HACE1: variants seen among roughly 807,000 people sequenced by gnomAD.
HACE1 encodes the protein HECT domain and ankyrin repeat containing E3 ubiquitin protein ligase 1, also known as E3 ubiquitin-protein ligase HACE1.
Under a neutral mutation model 118.4 loss-of-function variants are expected in HACE1, and 73 were observed. The ratio of observed to expected loss-of-function variants is 0.62; its 90% CI spans 0.51 to 0.75. The LOEUF (loss-of-function observed/expected upper bound fraction) is 0.75, where lower values mean the gene tolerates loss of function less well. HACE1 is among the 30% of genes least tolerant of loss of function. The pLI, the probability that HACE1 is intolerant of heterozygous loss-of-function variation, is 0.00. For synonymous variants in HACE1, 368 were observed against 374.8 expected (o/e 0.98, Z 0.21); for missense variants, 749 against 1,102.2 (o/e 0.68, Z 4.54).
intron 20 of HACE1, among the ~76,000 whole-genome samples, chr6:104,748,241 G>A (rs1777649724): frequency 8.6e-6 from 1 of 115,844 alleles, no homozygotes; most frequent in Admixed American, 7.9e-5. Flanking sequence ...CTACAAATCA[G>A]TAAAAAGAAA....
intron 12 of HACE1, 103 bp downstream of exon 12, chr6:104,784,882 T>A: frequency 1.2e-6 from 1 of 800,304 alleles, no homozygotes; most frequent in Non-Finnish European, 2.1e-6. Flanking sequence ...GAGAAAACTT[T>A]AAATCAACAA....
At chr6:104,740,191 A>G (rs1776479415) in intron 22 of HACE1, among the ~76,000 whole-genome samples, 1 of 145,728 alleles carries the variant, frequency 6.9e-6, no homozygotes. Context: ...AATTTATAGC[A>G]CTAAATGCCC....
chr6:104,761,300 A>C (rs1779328528), intron 19 of HACE1, among the ~76,000 whole-genome samples: 2 of 152,170 alleles, frequency 1.3e-5, no homozygotes, highest in African/African-American at 4.8e-5. Context: ...TTCAAACTAT[A>C]CTACAAGGCT....
chr6:104,852,558 C>T (rs1043179653), intron 1 of HACE1, among the ~76,000 whole-genome samples, 187 bp from the exon 2 acceptor site: 1 of 152,154 alleles, frequency 6.6e-6, no homozygotes, highest in African/African-American at 2.4e-5. Flanking sequence ...TCATCCCCTC[C>T]ACTGCTTATC....
chr6:104,857,304 C>G (rs766563587), intron 1 of HACE1, among the ~76,000 whole-genome samples: 2 of 151,002 alleles, frequency 1.3e-5, no homozygotes, highest in Non-Finnish European at 2.9e-5. Context: ...AAATTAAATT[C>G]AAGGAACAAA....
chr6:104,777,365 C>G, intron 14 of HACE1, 48 bp from the exon 15 acceptor site: 1 of 1,132,890 alleles, frequency 8.8e-7, no homozygotes, highest in Non-Finnish European at 1.4e-6. Flanking sequence ...TATCAGTCAT[C>G]TAATTATCAG....
intron 3 of HACE1, among the ~76,000 whole-genome samples, 176 bp downstream of exon 3, chr6:104,850,731 C>A (rs534075110): frequency 6.6e-6 from 1 of 152,188 alleles, no homozygotes; most frequent in African/African-American, 2.4e-5. Flanking sequence ...ACATACAATC[C>A]CAAAGTTAAC....
intron 4 of HACE1, among the ~76,000 whole-genome samples, chr6:104,847,543 G>GCC (rs1362232881): frequency 6.6e-6 from 1 of 152,192 alleles, no homozygotes; most frequent in Non-Finnish European, 1.5e-5. Flanking sequence ...GAGCAGATCA[G>GCC]CAAGAGTCAA....
Position 104,791,494 on chromosome 6 carries a change from CT to C in HACE1, c.1074+9del, listed in dbSNP as rs764896081. On this transcript the variant is annotated intron_variant, in intron 11 of 23. Coordinates refer to ENST00000262903, the MANE Select transcript of HACE1 (RefSeq NM_020771.4). ...TCTATCTTCCTAACAATGCCATATA[CT>C]TTTCTCACCTTGAACACCTGGCTTC... The C allele has an allele frequency of 1.2e-6, 2 of 1,607,140 alleles. No homozygotes were observed. Among genetic ancestry groups the C allele is most frequent in the East Asian group, 4.5e-5 (2 of 44,776 alleles).
chr6:104,856,846 T>C (rs1309510693), intron 1 of HACE1, among the ~76,000 whole-genome samples: 1 of 152,198 alleles, frequency 6.6e-6, no homozygotes, highest in Admixed American at 6.5e-5. Flanking sequence ...AGGACTCAAC[T>C]ACCTGCACTC....
Position 104,791,638 on chromosome 6 carries a change from C to T in HACE1, c.940G>A (p.Asp314Asn). 1 of 1,608,580 alleles carries T rather than the reference C, an allele frequency of 6.2e-7. No homozygotes were observed. Reference protein sequence around the residue: ...HKLLSLSSNYDAQMKSLLRIV... With the variant: ...HKLLSLSSNYNAQMKSLLRIV... ...CTTAAAAGGCTCTTCATTTGAGCAT[C>T]ATAATTGCTAGAGAGGCTGAAAATA... Residue 314 changes from aspartate (D) to asparagine (N), a missense_variant, in exon 11 of 24, where the codon GAT becomes AAT. This residue lies in a region of HACE1 where 267 missense variants were observed against 312.2 expected (regional missense o/e 0.86). Transcript: ENST00000262903.
At chr6:104,835,255 T>C (rs1299854365) in intron 5 of HACE1, among the ~76,000 whole-genome samples, 1 of 152,174 alleles carries the variant, frequency 6.6e-6, no homozygotes, top group Non-Finnish European at 1.5e-5. Flanking sequence ...GCTTTTTCCA[T>C]TTCCACCAAA....
At chr6:104,762,756 C>T (rs1485703447) in intron 19 of HACE1, among the ~76,000 whole-genome samples, 3 of 151,734 alleles carry the variant, frequency 2.0e-5, no homozygotes, top group Non-Finnish European at 4.4e-5. Context: ...TTTGGGAGGC[C>T]GAGGCAGGCA....
chr6:104,730,308 G>T lies in HACE1; in HGVS notation c.2622C>A (p.Ser874Arg). Residue 874 changes from serine to arginine, a missense_variant, in exon 23 of 24, where the codon AGC (serine) becomes AGA (arginine). Around this residue, in one of 5 missense-constraint regions of HACE1, gnomAD observed 165 missense variants for 229.9 expected, o/e 0.72. Coordinates refer to ENST00000262903, the MANE Select transcript of HACE1 (RefSeq NM_020771.4). Reference sequence around the variant, plus strand: ...AATAAACCAAGTCAACATACCATGTGCTTGAAGTTGGTAAAAGATTTGGAG... The same window carrying T: ...AATAAACCAAGTCAACATACCATGTTCTTGAAGTTGGTAAAAGATTTGGAG... ...PYTPNLLPTS[S>R]TCINMLKLPE... 7.0e-7 allele frequency: 1 copy of T among 1,424,072 alleles called. No individual in the cohort carries two copies. The highest frequency in any genetic ancestry group is 9.9e-7 in the Non-Finnish European group (1 of 1,006,244). 88.2% of individuals were successfully genotyped at this position (1,424,072 alleles called of 1,614,324 possible).
At chr6:104,798,072 A>C (rs1184199509) in intron 7 of HACE1, among the ~76,000 whole-genome samples, 2 of 149,952 alleles carry the variant, frequency 1.3e-5, no homozygotes, top group Non-Finnish European at 3.0e-5. Flanking sequence ...CCGTCTCGAA[A>C]AAAAAAAAAA....
chr6:104,853,625 T>C (rs921442505), intron 1 of HACE1, among the ~76,000 whole-genome samples: 2 of 152,124 alleles, frequency 1.3e-5, no homozygotes, highest in Non-Finnish European at 2.9e-5. Flanking sequence ...CAAGTACCTC[T>C]CAAAAATACT....
intron 15 of HACE1, 44 bp from the exon 16 acceptor site, chr6:104,777,154 A>C: frequency 6.4e-7 from 1 of 1,561,606 alleles, no homozygotes; most frequent in Non-Finnish European, 8.8e-7. Context: ...AAAATTTATA[A>C]TAAAAAGCAC....
chr6:104,794,107 C>G (rs766635358), intron 10 of HACE1, among the ~76,000 whole-genome samples: 2 of 152,098 alleles, frequency 1.3e-5, no homozygotes, highest in Non-Finnish European at 2.9e-5. Flanking sequence ...TATTTATTAG[C>G]TTGGCAAATC....
intron 7 of HACE1, among the ~76,000 whole-genome samples, chr6:104,809,420 A>C (rs1000031179): frequency 1.3e-5 from 2 of 152,142 alleles, no homozygotes; most frequent in African/African-American, 4.8e-5. Context: ...AAAAAGCCTA[A>C]GGAAGAACAT....
Sources: gnomAD v4.1 joint callset for allele counts (sites outside exome capture counted in the v4.1 genomes callset) on GRCh38, gnomAD v4.1.1 for gene constraint, gnomAD v4.1.1 regional missense constraint, MANE v1.5 for transcripts, NCBI Gene and HGNC (gene_info 2026-07-23, HGNC 2026-07-21) for gene names.